Variants in USP42 observed in about 807,000 individuals in gnomAD.
The protein encoded by USP42 is ubiquitin carboxyl-terminal hydrolase 42.
A neutral mutation model predicts 113.0 loss-of-function variants in USP42; 23 were observed. The observed-to-expected ratio is 0.20, with a 90% CI of 0.15 to 0.29. The LOEUF is 0.29. Among genes scored for constraint, USP42 ranks in the 10% least tolerant of loss-of-function variants. The pLI is 1.00. For synonymous variants in USP42, 933 were observed against 699.0 expected (o/e 1.33, Z -5.28); for missense variants, 2,174 against 1,779.8 (o/e 1.22, Z -3.99).
chr7:6,154,095 G>T lies in USP42; in HGVS notation c.2541G>T (p.Ala847=). 1 of 1,604,988 alleles carries T rather than the reference G, an allele frequency of 6.2e-7. No homozygotes were observed. The highest frequency in any genetic ancestry group is 8.5e-7 in the Non-Finnish European group (1 of 1,178,710). ...TCGCGGAGGGCCCGCGGGACTCGGCGTTGGCGGAAGCCCCGGAAGGGTTGA... is the reference window on the plus strand; with the variant it reads ...TCGCGGAGGGCCCGCGGGACTCGGCTTTGGCGGAAGCCCCGGAAGGGTTGA... ...GMIAEGPRDS[A]LAEAPEGLSP... Residue 847 remains alanine, a synonymous_variant, in exon 15 of 18, where the codon GCG becomes GCT. Coordinates refer to ENST00000306177, the MANE Select transcript of USP42 (RefSeq NM_032172.3).
In USP42 at chr7:6,139,443, G is replaced by A; in HGVS notation, c.656+249G>A. Reference sequence around the variant, plus strand: ...ATGTCAGGAAATAAACATTGGTCTTGCAGCTATTTAATTTCTCATTATCAG... The same window carrying A: ...ATGTCAGGAAATAAACATTGGTCTTACAGCTATTTAATTTCTCATTATCAG... On this transcript the variant is annotated intron_variant, in intron 5 of 17. Transcript: ENST00000306177. The surrounding 1 kb of genome is among the most constrained non-coding windows in gnomAD (Gnocchi z 4.5). 2.8e-6 allele frequency: 1 copy of A among 362,526 alleles called. No individual in the cohort carries two copies. Among genetic ancestry groups the A allele is most frequent in the Non-Finnish European group, 4.9e-6 (1 of 202,550 alleles). 22.5% of individuals were successfully genotyped at this position (362,526 alleles called of 1,614,324 possible).
intron 1 of USP42, among the ~76,000 whole-genome samples, chr7:6,106,859 C>T (rs375841882): frequency 3.8e-4 from 58 of 152,298 alleles, no homozygotes; most frequent in African/African-American, 1.3e-3. Flanking sequence ...GTCCACCATG[C>T]CCCACCTGTA....
intron 7 of USP42, among the ~76,000 whole-genome samples, chr7:6,142,335 A>G (rs561358008): frequency 9.3e-5 from 14 of 150,184 alleles, no homozygotes; most frequent in South Asian, 2.1e-4. Context: ...TTCTGCCTCA[A>G]CCTCCCAAGT....
intron 1 of USP42, among the ~76,000 whole-genome samples, chr7:6,109,319 A>G (rs773487632): frequency 3.3e-5 from 5 of 152,166 alleles, no homozygotes; most frequent in African/African-American, 7.2e-5. Flanking sequence ...AGGTCAGACA[A>G]TGTGAAGTCC....
chr7:6,099,116 C>G, the USP42 span, among the ~76,000 whole-genome samples: 2 of 149,344 alleles, frequency 1.3e-5, no homozygotes, highest in South Asian at 4.2e-4. Flanking sequence ...TGTCTGCCCT[C>G]TGATTATAGA....
intron 3 of USP42, among the ~76,000 whole-genome samples, chr7:6,135,120 A>G (rs957020478): frequency 2.0e-5 from 3 of 152,176 alleles, no homozygotes; most frequent in South Asian, 2.1e-4. Context: ...CTGCTGTGGG[A>G]GACTTTCTTT....
In USP42 at chr7:6,149,756, A is replaced by G. The variant is rs1781926931; in HGVS notation, c.1560A>G (p.Gln520=). ...SSVIPEHPKK[Q]KITISIHNKL... is the part of the protein sequence containing the mutation. ...TGATCCCAGAACATCCTAAGAAACA[A>G]AAAATTACAATCAGTATTCACAACA... The change falls in exon 13 of 18, where the codon CAA becomes CAG. Residue 520 remains glutamine (Q), a synonymous_variant. Transcript: ENST00000306177. 6.2e-7 allele frequency: 1 copy of G among 1,614,008 alleles called. No homozygotes were observed. The highest frequency in any genetic ancestry group is 2.2e-5 in the East Asian group (1 of 44,888).
rs758409939 is a variant in USP42 at position 6,156,749 on chromosome 7, T to G, written c.3642-5T>G. On this transcript the variant is annotated splice_region_variant and splice_polypyrimidine_tract_variant and intron_variant, in intron 15 of 17. Coordinates refer to ENST00000306177, the MANE Select transcript of USP42 (RefSeq NM_032172.3). ...GGTTTTGAATTCTGGCTTTTCCTTCTGCAGGCATCAGCAGGACTCAGACCT... is the reference window on the plus strand; with the variant it reads ...GGTTTTGAATTCTGGCTTTTCCTTCGGCAGGCATCAGCAGGACTCAGACCT... 2.0e-6 allele frequency: 3 copies of G among 1,529,470 alleles called. No individual in the cohort carries two copies. The highest frequency in any genetic ancestry group is 2.6e-6 in the Non-Finnish European group (3 of 1,142,976). The allele number at this position is 1,529,470 out of a possible 1,614,324, so 94.7% of individuals were successfully genotyped here.
chr7:6,116,308 C>G (rs915715271), intron 3 of USP42, among the ~76,000 whole-genome samples: 1 of 152,176 alleles, frequency 6.6e-6, no homozygotes, highest in African/African-American at 2.4e-5. Context: ...AGAACTTCAT[C>G]TTCAACCTAC....
intron 14 of USP42, 116 bp from the exon 15 acceptor site, chr7:6,153,640 A>G (rs1030794057): frequency 4.7e-6 from 6 of 1,266,126 alleles, no homozygotes; most frequent in Non-Finnish European, 6.2e-6. Context: ...TAATAATAAT[A>G]AAATAAAGAG....
At chr7:6,091,979 T>TTCC in the USP42 span, among the ~76,000 whole-genome samples, 5 of 21,686 alleles carry the variant, frequency 2.3e-4, no homozygotes, top group East Asian at 2.9e-3. Context: ...GACGTATTTT[T>TTCC]TCTTCTTCTT....
In USP42 at chr7:6,156,821, A is replaced by G; in HGVS notation, c.3709A>G (p.Lys1237Glu). ...TGACCTCCACAGACACAAAAAAAAGAAGAAGAAAAAGAAGAGACATTCAAG... is the reference window on the plus strand; with the variant it reads ...TGACCTCCACAGACACAAAAAAAAGGAGAAGAAAAAGAAGAGACATTCAAG... ...DADLHRHKKK[K>E]KKKKRHSRKS... The change falls in exon 16 of 18, where the codon AAG becomes GAG. Residue 1237 changes from lysine to glutamate, a missense_variant. Physicochemically the swap from Lys to Glu is moderately conservative, Grantham distance 56 (BLOSUM62 1). Transcript: ENST00000306177. 2 of 1,607,694 alleles carry G rather than the reference A, an allele frequency of 1.2e-6. No individual in the cohort carries two copies. The highest frequency in any genetic ancestry group is 1.7e-6 in the Non-Finnish European group (2 of 1,178,146).
chr7:6,145,684 A>G lies in USP42; in HGVS notation c.1131+28A>G, dbSNP rs748335879. ...AAGCTGTGCAGATTTGCTATTAACT[A>G]TTGTTACATACATGCTATAAGACAG... is the stretch of plus-strand genomic sequence containing the variant. On this transcript the variant is annotated intron_variant, in intron 10 of 17. Transcript: ENST00000306177. The G allele has an allele frequency of 6.9e-6, 11 of 1,603,344 alleles. No individual in the cohort carries two copies. In the East Asian group the frequency reaches 9.0e-5, roughly 13 times the overall value.
intron 4 of USP42, among the ~76,000 whole-genome samples, chr7:6,137,795 G>A (rs967983442): frequency 5.9e-5 from 9 of 151,810 alleles, no homozygotes; most frequent in Non-Finnish European, 1.2e-4. Context: ...TTTCTCCTGC[G>A]TCAGCCTCCT....
At chr7:6,100,989 G>C (rs944646321), upstream of USP42, among the ~76,000 whole-genome samples, 2 of 150,896 alleles carry the variant, frequency 1.3e-5, no homozygotes, top group African/African-American at 5.0e-5. Context: ...TCTTAAACCA[G>C]GATATCTAGA....
intron 1 of USP42, among the ~76,000 whole-genome samples, chr7:6,108,325 G>A (rs1481888848): frequency 6.6e-6 from 1 of 152,036 alleles, no homozygotes; most frequent in Non-Finnish European, 1.5e-5. Context: ...ATCGTTTGAG[G>A]CCAGGAGTTC....
intron 3 of USP42, among the ~76,000 whole-genome samples, chr7:6,118,587 A>T (rs1345579062): frequency 2.6e-5 from 4 of 151,698 alleles, no homozygotes; most frequent in Admixed American, 2.6e-4. Flanking sequence ...TATTTTTCCT[A>T]TACTTTCTTC....
At position 6,153,775 on chromosome 7, in the gene USP42, G is replaced by C. The variant is rs1250352273; in HGVS notation, c.2221G>C (p.Gly741Arg). ...DEMSAPGAER[G>R]PPEDRDAEPQ... ...CTGCAGTGCACCTGGAGCAGAGAGG[G>C]GCCCTCCCGAGGACCGCGACGCCGA... The change falls in exon 15 of 18, where the codon GGC becomes CGC. Residue 741 changes from glycine (G) to arginine (R), a missense_variant. Physicochemically the swap from Gly to Arg is moderately radical, Grantham distance 125. Coordinates refer to ENST00000306177, the MANE Select transcript of USP42 (RefSeq NM_032172.3). The C allele has an allele frequency of 1.4e-6, 2 of 1,475,644 alleles. No individual in the cohort carries two copies. The highest frequency in any genetic ancestry group is 2.6e-5 in the East Asian group (1 of 39,066). 91.4% of individuals were successfully genotyped at this position (1,475,644 alleles called of 1,614,324 possible).
At chr7:6,111,683 A>C (rs1779603993) in intron 2 of USP42, 1 of 188,612 alleles carries the variant, frequency 5.3e-6, no homozygotes, top group African/African-American at 2.4e-5. Context: ...ACTCACTGCA[A>C]GCTCTGCCTC....
Sources: allele counts gnomAD v4.1 joint callset (sites outside exome capture counted in the v4.1 genomes callset), GRCh38; gene constraint gnomAD v4.1.1; non-coding constraint Gnocchi (gnomAD v3.1); transcripts MANE v1.5; gene names NCBI Gene and HGNC (gene_info 2026-07-23, HGNC 2026-07-21).